EPHX2: variants seen among roughly 807,000 people sequenced by gnomAD.
EPHX2 encodes the protein bifunctional epoxide hydrolase 2.
Under a neutral mutation model 78.7 loss-of-function variants are expected in EPHX2, and 74 were observed. The observed-to-expected ratio is 0.94, with a 90% CI of 0.78 to 1.14. EPHX2 has a LOEUF of 1.14. Ranked by LOEUF, EPHX2 falls within the 50% of genes most tolerant of loss-of-function variation. EPHX2 has a pLI of 0.00. For missense variants in EPHX2, 715 were observed against 702.5 expected, an observed-to-expected ratio of 1.02 and a Z score of -0.20; for synonymous variants, 251 against 255.2, an observed-to-expected ratio of 0.98 and a Z score of 0.16.
intron 6 of EPHX2, among the ~76,000 whole-genome samples, chr8:27,514,687 C>G (rs1442492402): frequency 6.6e-6 from 1 of 152,156 alleles, no homozygotes. Context: ...CCATGTCATT[C>G]AGGCAGAGAT....
At chr8:27,492,896 A>T (rs1332407210) in intron 1 of EPHX2, 1 of 153,680 alleles carries the variant, frequency 6.5e-6, no homozygotes, top group Non-Finnish European at 1.4e-5. Flanking sequence ...TCATAACAGG[A>T]CACCCCACCT....
chr8:27,535,112 C>T (rs1186167699), intron 12 of EPHX2, among the ~76,000 whole-genome samples: 1 of 152,196 alleles, frequency 6.6e-6, no homozygotes, highest in Non-Finnish European at 1.5e-5. Flanking sequence ...CCACACTTAA[C>T]TCAATTCCCT....
intron 12 of EPHX2, among the ~76,000 whole-genome samples, chr8:27,532,779 G>A (rs1194412975): frequency 6.6e-6 from 1 of 152,098 alleles, no homozygotes; most frequent in African/African-American, 2.4e-5. Flanking sequence ...CTAAAGCCAA[G>A]ATGATATCAT....
chr8:27,530,399 C>G (rs957214381), intron 12 of EPHX2, among the ~76,000 whole-genome samples: 8 of 152,168 alleles, frequency 5.3e-5, no homozygotes, highest in Admixed American at 2.0e-4. Context: ...ATAGCTACTA[C>G]TAATAGTCTG....
chr8:27,541,055 T>C (rs1454030530), intron 15 of EPHX2, among the ~76,000 whole-genome samples: 1 of 152,184 alleles, frequency 6.6e-6, no homozygotes, highest in African/African-American at 2.4e-5. Flanking sequence ...AGGGGGCATC[T>C]TTGCTCCACC....
At chr8:27,526,285 G>A (rs1256804506) in intron 12 of EPHX2, among the ~76,000 whole-genome samples, 1 of 152,214 alleles carries the variant, frequency 6.6e-6, no homozygotes, top group Non-Finnish European at 1.5e-5. Flanking sequence ...TTTCATTGAT[G>A]AGACAGCATC....
intron 1 of EPHX2, among the ~76,000 whole-genome samples, chr8:27,492,588 G>T (rs190951471): frequency 1.3e-5 from 2 of 152,150 alleles, no homozygotes; most frequent in Non-Finnish European, 2.9e-5. Context: ...AAGGTTTATC[G>T]TGAACAGCGA....
At chr8:27,532,525 A>G (rs1293346074) in intron 12 of EPHX2, among the ~76,000 whole-genome samples, 1 of 152,080 alleles carries the variant, frequency 6.6e-6, no homozygotes, top group East Asian at 1.9e-4. Context: ...TTGAGGCTAG[A>G]TGTTCAAAAT....
intron 16 of EPHX2, 85 bp downstream of exon 16, chr8:27,541,627 G>C (rs1207992544): frequency 2.8e-6 from 4 of 1,438,630 alleles, no homozygotes; most frequent in Non-Finnish European, 3.9e-6. Context: ...ATATGACCTG[G>C]GCCAGAGCTG....
intron 15 of EPHX2, 148 bp downstream of exon 15, chr8:27,540,804 CG>C: frequency 1.4e-6 from 1 of 696,170 alleles, no homozygotes. Context: ...CCTCCAGTGT[CG>C]GGAGGCTCAC....
chr8:27,519,659 A>G (rs1309689184), intron 9 of EPHX2, among the ~76,000 whole-genome samples: 1 of 152,252 alleles, frequency 6.6e-6, no homozygotes, highest in Non-Finnish European at 1.5e-5. Flanking sequence ...GGACGGCTGC[A>G]CTGCTCAGCC....
At chr8:27,531,195 C>T (rs1376112320) in intron 12 of EPHX2, among the ~76,000 whole-genome samples, 1 of 152,216 alleles carries the variant, frequency 6.6e-6, no homozygotes, top group East Asian at 1.9e-4. Context: ...CTGATGTTCT[C>T]ATTTATAATC....
At chr8:27,512,706 A>T (rs1160486956) in intron 6 of EPHX2, among the ~76,000 whole-genome samples, 1 of 152,192 alleles carries the variant, frequency 6.6e-6, no homozygotes, top group East Asian at 1.9e-4. Context: ...CTCATCAGCA[A>T]AAAAGGCCAG....
chr8:27,503,646 A>C lies in EPHX2; in HGVS notation c.229A>C (p.Thr77Pro). 1.2e-6 allele frequency: 2 copies of C among 1,613,786 alleles called. No homozygotes were observed. Among genetic ancestry groups the C allele is most frequent in the Non-Finnish European group, 1.7e-6 (2 of 1,179,906 alleles). Reference sequence around the variant, plus strand: ...AGAAAACTGCAGGAAGTGCTCCGAGACCGCTAAAGTCTGCCTCCCCAAGAA... The same window carrying C: ...AGAAAACTGCAGGAAGTGCTCCGAGCCCGCTAAAGTCTGCCTCCCCAAGAA... ...MEENCRKCSE[T>P]AKVCLPKNFS... Residue 77 changes from threonine to proline, a missense_variant, in exon 3 of 19, where the codon ACC becomes CCC. By Grantham distance (38) the Thr-to-Pro change is conservative (BLOSUM62 -1). Transcript: ENST00000521400.
chr8:27,499,648 A>G (rs1357944115), intron 1 of EPHX2, among the ~76,000 whole-genome samples: 1 of 152,216 alleles, frequency 6.6e-6, no homozygotes, highest in African/African-American at 2.4e-5. Context: ...GAACAAATGC[A>G]TTCGTACACA....
chr8:27,539,579 CTCAT>C (rs1445225666), intron 14 of EPHX2, among the ~76,000 whole-genome samples: 1 of 152,168 alleles, frequency 6.6e-6, no homozygotes, highest in African/African-American at 2.4e-5. Flanking sequence ...CCGTCTGTCA[CTCAT>C]TCATTCACCC....
rs759275512 is a variant in EPHX2 at position 27,522,474 on chromosome 8, T to C, written c.1024T>C (p.Trp342Arg). The C allele has an allele frequency of 5.6e-6, 9 of 1,613,938 alleles. No individual in the cohort carries two copies. The highest frequency in any genetic ancestry group is 7.6e-6 in the Non-Finnish European group (9 of 1,179,972). The change falls in exon 11 of 19, where the codon TGG becomes CGG. Residue 342 changes from tryptophan to arginine, a missense_variant. Physicochemically the swap from Trp to Arg is moderately radical, Grantham distance 101. Coordinates refer to ENST00000521400, the MANE Select transcript of EPHX2 (RefSeq NM_001979.6). ...IGHDWGGMLVWYMALFYPERV... is the reference protein window; with the variant it reads ...IGHDWGGMLVRYMALFYPERV... ...CCATGACTGGGGTGGCATGCTGGTG[T>C]GGTACATGGCTCTCTTCTACCCCGA...
intron 12 of EPHX2, among the ~76,000 whole-genome samples, chr8:27,530,075 T>A (rs564175317): frequency 2.0e-4 from 30 of 151,608 alleles, no homozygotes; most frequent in African/African-American, 6.5e-4. Context: ...CTCTTTTTTT[T>A]TTTTTCTGCT....
Position 27,509,998 on chromosome 8 carries a change from G to A in EPHX2, c.661-1838G>A, listed in dbSNP as rs139619141. On this transcript the variant is annotated intron_variant, in intron 5 of 18. Transcript: ENST00000521400. ...GCCCTGCTCACAGGCCTTGGCTCCCGCCCGACCATGGGCTCATGGCCATCA... is the reference window on the plus strand; with the variant it reads ...GCCCTGCTCACAGGCCTTGGCTCCCACCCGACCATGGGCTCATGGCCATCA... Among the ~76,000 whole-genome samples, 224 of 152,244 alleles carry A rather than the reference G, an allele frequency of 1.5e-3. 2 individuals carry two copies. The highest frequency in any genetic ancestry group is 0.013 in the South Asian group (62 of 4,832).
Sources: allele counts gnomAD v4.1 joint callset (sites outside exome capture counted in the v4.1 genomes callset), GRCh38; gene constraint gnomAD v4.1.1; transcripts MANE v1.5; gene names NCBI Gene and HGNC (gene_info 2026-07-23, HGNC 2026-07-21).